Variants in REPS2 observed in about 807,000 individuals in gnomAD.
REPS2 encodes the protein RALBP1 associated Eps domain containing 2, also known as ralBP1-associated Eps domain-containing protein 2.
REPS2 carries 23 observed loss-of-function variants against 53.6 expected under a neutral mutation model. The ratio of observed to expected loss-of-function variants is 0.43; its 90% CI spans 0.31 to 0.61. The LOEUF (loss-of-function observed/expected upper bound fraction) is 0.61. Ranked by LOEUF, REPS2 falls within the 20% of genes least tolerant of loss-of-function variation. REPS2 has a pLI of 0.11. For synonymous variants in REPS2, 238 were observed against 218.6 expected (o/e 1.09, Z -0.78); for missense variants, 446 against 534.9 (o/e 0.83, Z 1.64).
intron 2 of REPS2, 118 bp from the exon 3 acceptor site, chrX:17,022,005 T>G: frequency 3.2e-6 from 2 of 615,898 alleles, no homozygotes; most frequent in Non-Finnish European, 5.1e-6. Flanking sequence ...TCTAAATTTA[T>G]ATTTAGTGCT....
At chrX:17,171,744 T>G in the REPS2 span, among the ~76,000 whole-genome samples, 1 of 110,507 alleles carries the variant, frequency 9.0e-6, no homozygotes, top group African/African-American at 3.3e-5. Flanking sequence ...CAGGCTGGTC[T>G]CAAACTCCTG....
intron 7 of REPS2, among the ~76,000 whole-genome samples, chrX:17,052,652 A>G (rs1319357342): frequency 8.9e-6 from 1 of 112,366 alleles, no homozygotes; most frequent in Non-Finnish European, 1.9e-5. Flanking sequence ...ATTAAGCACT[A>G]TGAGTGTTAA....
chrX:17,158,087 C>T (rs772293382), downstream of REPS2, among the ~76,000 whole-genome samples: 1 of 110,551 alleles, frequency 9.0e-6, no homozygotes, highest in African/African-American at 3.2e-5. Context: ...ACAGTAATCC[C>T]CTTTTGTGTT....
chrX:17,189,299 T>C, the REPS2 span, among the ~76,000 whole-genome samples: 2 of 108,765 alleles, frequency 1.8e-5, no homozygotes, highest in African/African-American at 6.7e-5. Context: ...TCTTTTTTTT[T>C]TTTTTAGACA....
At chrX:17,024,746 G>A (rs947798257) in intron 3 of REPS2, among the ~76,000 whole-genome samples, 4 of 110,784 alleles carry the variant, frequency 3.6e-5, no homozygotes, top group Admixed American at 9.6e-5. Context: ...AATTGGGAGC[G>A]GGTATGAATG....
At position 17,006,282 on chromosome X, in the gene REPS2, C is replaced by T. The variant is rs769129312; in HGVS notation, c.335C>T (p.Ala112Val). The change falls in exon 2 of 18, where the codon GCC becomes GTC. Residue 112 changes from alanine (A) to valine (V), a missense_variant. Ala to Val is a moderately conservative substitution (Grantham distance 64, BLOSUM62 0). Coordinates refer to ENST00000357277, the MANE Select transcript of REPS2 (RefSeq NM_004726.3). The part of the protein sequence containing the change: ...GYFGPTQFYI[A>V]LKLIAAAQSG... ...TTTGGTCCAACACAGTTTTACATTG[C>T]CCTGAAATTAATTGCTGCAGCACAA... 1.7e-6 allele frequency: 2 copies of T among 1,208,455 alleles called. No homozygotes were observed. Among genetic ancestry groups the T allele is most frequent in the South Asian group, 3.5e-5 (2 of 56,921 alleles).
At chrX:16,994,326 T>C (rs1177890270) in intron 1 of REPS2, among the ~76,000 whole-genome samples, 4 of 110,086 alleles carry the variant, frequency 3.6e-5, no homozygotes, top group Non-Finnish European at 7.6e-5. Context: ...TGTATATATG[T>C]GTGTATGTAT....
intron 16 of REPS2, chrX:17,135,687 T>G (rs1252745191): frequency 7.6e-6 from 2 of 261,968 alleles, no homozygotes; most frequent in African/African-American, 5.6e-5. Context: ...TGTTTCCTAC[T>G]CCTCTTCCTT....
At chrX:17,051,030 C>G (rs919747753) in intron 6 of REPS2, among the ~76,000 whole-genome samples, 2 of 111,524 alleles carry the variant, frequency 1.8e-5, no homozygotes, top group Admixed American at 9.6e-5. Context: ...CTCACAGCCT[C>G]TGGTAACCTT....
chrX:17,048,795 G>A (rs1295067431), intron 6 of REPS2, among the ~76,000 whole-genome samples: 1 of 112,960 alleles, frequency 8.9e-6, no homozygotes, highest in Non-Finnish European at 1.9e-5. Context: ...TGTGCTACCA[G>A]TCGTATAAAA....
chrX:16,992,095 C>G (rs1230500567), intron 1 of REPS2, among the ~76,000 whole-genome samples: 1 of 111,387 alleles, frequency 9.0e-6, no homozygotes, highest in Non-Finnish European at 1.9e-5. Flanking sequence ...TGTGTCTCCC[C>G]CAAATTCCTA....
intron 2 of REPS2, among the ~76,000 whole-genome samples, chrX:17,007,331 C>T (rs777036726): frequency 1.8e-5 from 2 of 112,370 alleles, no homozygotes; most frequent in South Asian, 7.4e-4. Flanking sequence ...AGGGGGCTAG[C>T]TTGTGCCAGA....
rs1435708952 is a variant in REPS2, at chrX:17,047,410, A to G, written c.835A>G (p.Thr279Ala). The G allele has an allele frequency of 8.3e-7, 1 of 1,209,115 alleles. No homozygotes were observed. Among genetic ancestry groups the G allele is most frequent in the Non-Finnish European group, 1.1e-6 (1 of 894,806 alleles). Residue 279 changes from threonine (T) to alanine (A), a missense_variant, in exon 6 of 18, where the codon ACA (threonine) becomes GCA (alanine). Physicochemically the swap from Thr to Ala is moderately conservative, Grantham distance 58 (BLOSUM62 0). Coordinates refer to ENST00000357277, the MANE Select transcript of REPS2 (RefSeq NM_004726.3). ...TTACCCCGACGAACCCTGGAGGATA[A>G]CAGAAGAACAGCGCGAGTACTATGT... ...SSYPDEPWRITEEQREYYVNQ... is the reference protein window; with the variant it reads ...SSYPDEPWRIAEEQREYYVNQ...
At chrX:17,099,509 A>G (rs907454353) in intron 13 of REPS2, among the ~76,000 whole-genome samples, 4 of 111,807 alleles carry the variant, frequency 3.6e-5, no homozygotes, top group African/African-American at 1.3e-4. Flanking sequence ...TGTCCTTCAT[A>G]AAGGGCCCTT....
At chrX:16,954,099 G>A (rs1158302682) in intron 1 of REPS2, among the ~76,000 whole-genome samples, 1 of 110,721 alleles carries the variant, frequency 9.0e-6, no homozygotes, top group Non-Finnish European at 1.9e-5. Flanking sequence ...GAATACAGGT[G>A]TGCAGCACCA....
At chrX:17,070,550 G>A (rs2062290982) in intron 11 of REPS2, among the ~76,000 whole-genome samples, 1 of 111,962 alleles carries the variant, frequency 8.9e-6, no homozygotes, top group African/African-American at 3.2e-5. Context: ...CCCTGTGTCC[G>A]CAGCTCTCTG....
chrX:17,078,257 G>A (rs892395787), intron 13 of REPS2, among the ~76,000 whole-genome samples: 4 of 111,937 alleles, frequency 3.6e-5, no homozygotes, highest in Non-Finnish European at 7.5e-5. Context: ...TTTTAAATCA[G>A]GCCAGCCTCA....
chrX:16,947,100 G>T lies in REPS2; in HGVS notation c.239G>T (p.Arg80Leu). 1 of 1,098,916 alleles carries T rather than the reference G, an allele frequency of 9.1e-7. No individual in the cohort carries two copies. Among genetic ancestry groups the T allele is most frequent in the Non-Finnish European group, 1.2e-6 (1 of 845,802 alleles). 90.6% of individuals were successfully genotyped at this position (1,098,916 alleles called of 1,213,427 possible). A position where few individuals can be genotyped will look rare whatever the true frequency, so the allele number is the denominator to read the frequency against. Residue 80 changes from arginine to leucine, a missense_variant, in exon 1 of 18, where the codon CGG becomes CTG. Transcript: ENST00000357277. ...AAAGPVADLFRASQLPAETLH... is the reference protein window; with the variant it reads ...AAAGPVADLFLASQLPAETLH... ...GCCGGCCCCGTGGCTGACCTGTTTC[G>T]GGCATCGCAGCTGCCCGCCGAGACG...
intron 1 of REPS2, among the ~76,000 whole-genome samples, chrX:16,980,371 T>G (rs951235196): frequency 9.0e-6 from 1 of 111,033 alleles, no homozygotes; most frequent in African/African-American, 3.3e-5. Context: ...GGTGTGATCT[T>G]GGCTCACTGC....
Sources: gnomAD v4.1 joint callset for allele counts (sites outside exome capture counted in the v4.1 genomes callset) on GRCh38, gnomAD v4.1.1 for gene constraint, MANE v1.5 for transcripts, NCBI Gene and HGNC (gene_info 2026-07-23, HGNC 2026-07-21) for gene names.